Variants in PADI1 observed in about 807,000 individuals in gnomAD.
PADI1 encodes the protein peptidyl arginine deiminase 1, also known as protein-arginine deiminase type-1.
PADI1 carries 65 observed loss-of-function variants against 74.8 expected under a neutral mutation model. The ratio of observed to expected loss-of-function variants is 0.87; its 90% CI spans 0.71 to 1.07. PADI1 has a LOEUF of 1.07. Among genes scored for constraint, PADI1 ranks in the 50% least tolerant of loss-of-function variants. PADI1 has a pLI of 0.00. For synonymous variants in PADI1, 371 were observed against 336.2 expected (o/e 1.10, Z -1.13); for missense variants, 943 against 854.0 (o/e 1.10, Z -1.30).
intron 12 of PADI1, among the ~76,000 whole-genome samples, 186 bp downstream of exon 12, chr1:17,237,644 C>T (rs531378547): frequency 2.0e-5 from 3 of 152,270 alleles, no homozygotes; most frequent in South Asian, 2.1e-4. Context: ...TGTGCTTGGA[C>T]CCAAATCCCT....
intron 1 of PADI1, among the ~76,000 whole-genome samples, chr1:17,219,474 A>G (rs189698494): frequency 1.9e-3 from 294 of 152,172 alleles, no homozygotes; most frequent in Non-Finnish European, 3.5e-3. Flanking sequence ...TGATAATAAC[A>G]TTCTATAGCA....
Position 17,230,631 on chromosome 1 carries a change from C to T in PADI1, c.1113C>T (p.Asp371=), listed in dbSNP as rs149070229. ...ACAAATCCTTCCCCGTGGTCTTTGA[C>T]TCCCCCAGGAACAGGGGCCTGAAAG... is the stretch of plus-strand genomic sequence containing the variant. ...APHKSFPVVF[D]SPRNRGLKDF... is the part of the protein sequence containing the mutation. The change falls in exon 10 of 16, where the codon GAC becomes GAT. Residue 371 remains aspartate (D), a synonymous_variant. Coordinates refer to ENST00000375471, the MANE Select transcript of PADI1 (RefSeq NM_013358.3). 15 of 1,613,068 alleles carry T rather than the reference C, an allele frequency of 9.3e-6. No individual in the cohort carries two copies. Among genetic ancestry groups the T allele is most frequent in the Non-Finnish European group, 1.3e-5 (15 of 1,179,298 alleles).
chr1:17,207,672 G>C (rs1016693686), intron 1 of PADI1, among the ~76,000 whole-genome samples: 1 of 152,224 alleles, frequency 6.6e-6, no homozygotes, highest in Admixed American at 6.5e-5. Flanking sequence ...CTCAAATGCA[G>C]GCCCTGGCCC....
Position 17,223,679 on chromosome 1 carries a change from A to C in PADI1, c.332A>C (p.Tyr111Ser). ...EDQALGRSVLYLTGVDISLEV... is the reference protein window; with the variant it reads ...EDQALGRSVLSLTGVDISLEV... ...CAAGCTCTGGGCCGCAGCGTGCTTT[A>C]CCTCACTGGCGTCGGTAAGTAGCAG... is the stretch of plus-strand genomic sequence containing the variant. The change falls in exon 3 of 16, where the codon TAC (tyrosine) becomes TCC (serine). Residue 111 changes from tyrosine to serine, a missense_variant. Tyr to Ser is a moderately radical substitution (Grantham distance 144). Coordinates refer to ENST00000375471, the MANE Select transcript of PADI1 (RefSeq NM_013358.3). 1 of 1,613,978 alleles carries C rather than the reference A, an allele frequency of 6.2e-7. No homozygotes were observed. Among genetic ancestry groups the C allele is most frequent in the Non-Finnish European group, 8.5e-7 (1 of 1,179,930 alleles).
chr1:17,212,277 G>A (rs1379167524), intron 1 of PADI1, among the ~76,000 whole-genome samples: 1 of 152,218 alleles, frequency 6.6e-6, no homozygotes, highest in Non-Finnish European at 1.5e-5. Context: ...GCTCCTGGCA[G>A]GCCAGATCCT....
At chr1:17,210,368 C>A (rs72895772) in intron 1 of PADI1, among the ~76,000 whole-genome samples, 3 of 151,942 alleles carry the variant, frequency 2.0e-5, no homozygotes, top group Non-Finnish European at 2.9e-5. Flanking sequence ...CCACAGAATG[C>A]GGACATGCTT....
rs1286558068 is a variant in PADI1 at position 17,230,567 on chromosome 1, C to G, written c.1054-5C>G. 6.3e-7 allele frequency: 1 copy of G among 1,596,772 alleles called. No homozygotes were observed. The highest frequency in any genetic ancestry group is 1.3e-5 in the African/African-American group (1 of 74,204). On this transcript the variant is annotated splice_polypyrimidine_tract_variant and splice_region_variant and intron_variant, in intron 9 of 15. Coordinates refer to ENST00000375471, the MANE Select transcript of PADI1 (RefSeq NM_013358.3). ...ACTGTGGCTTTTTCATCTCTCCCCT[C>G]CCAGGACGAGATGGAGTTTGGCTAC...
At chr1:17,209,741 T>G (rs1208168184) in intron 1 of PADI1, among the ~76,000 whole-genome samples, 1 of 152,244 alleles carries the variant, frequency 6.6e-6, no homozygotes, top group Non-Finnish European at 1.5e-5. Context: ...TTGCAGGCTG[T>G]GTGACCTTGG....
In PADI1 at chr1:17,222,396, C is replaced by T. The variant is rs745783100; in HGVS notation, c.199C>T (p.Arg67Cys). The T allele has an allele frequency of 3.7e-5, 59 of 1,614,096 alleles. 1 individual carries two copies. Among genetic ancestry groups the T allele is most frequent in the African/African-American group, 9.3e-5 (7 of 75,046 alleles). The change falls in exon 2 of 16, where the codon CGT becomes TGT. Residue 67 changes from arginine to cysteine, a missense_variant. By Grantham distance (180) the Arg-to-Cys change is radical (BLOSUM62 -3). Coordinates refer to ENST00000375471, the MANE Select transcript of PADI1 (RefSeq NM_013358.3). ...TRVKEPIGKARWPLDTDADMV... is the reference protein window; with the variant it reads ...TRVKEPIGKACWPLDTDADMV... ...TGTGAAAGAGCCCATAGGCAAGGCC[C>T]GTTGGCCGCTAGACACTGATGCAGA...
chr1:17,243,661 A>AACAAG (rs1328290604), intron 15 of PADI1, among the ~76,000 whole-genome samples: 3 of 152,266 alleles, frequency 2.0e-5, no homozygotes, highest in Non-Finnish European at 2.9e-5. Context: ...TTTCTGGCAG[A>AACAAG]TGACACGAAA....
intron 10 of PADI1, 86 bp downstream of exon 10, chr1:17,230,765 T>C (rs369277781): frequency 1.3e-6 from 1 of 748,404 alleles, no homozygotes; most frequent in South Asian, 1.6e-5. Context: ...CCTAGTCCTA[T>C]AGGGCTCAGA....
intron 1 of PADI1, among the ~76,000 whole-genome samples, chr1:17,207,901 AAG>A: frequency 6.6e-6 from 1 of 152,338 alleles, no homozygotes; most frequent in South Asian, 2.1e-4. Context: ...CAGCATAAGG[AAG>A]AGCTTCCTGC....
chr1:17,232,346 TC>T (rs1472149905), intron 10 of PADI1, among the ~76,000 whole-genome samples: 1 of 152,128 alleles, frequency 6.6e-6, no homozygotes, highest in Non-Finnish European at 1.5e-5. Flanking sequence ...GCTCAAGCCA[TC>T]CTCCCACTTC....
rs747659256 is a variant in PADI1, at chr1:17,228,765, G to A, written c.793G>A (p.Val265Ile). ...TFPDADFLGL[V>I]SLSVSLVDPG... ...CCCCGATGCCGATTTCCTAGGGCTG[G>A]TTTCCCTCAGTGTCAGCCTGGTGGA... Residue 265 changes from valine (V) to isoleucine (I), a missense_variant, in exon 7 of 16, where the codon GTT (valine) becomes ATT (isoleucine). Transcript: ENST00000375471. 2.0e-5 allele frequency: 33 copies of A among 1,614,052 alleles called. No individual in the cohort carries two copies. The highest frequency in any genetic ancestry group is 2.7e-5 in the Non-Finnish European group (32 of 1,180,026).
At chr1:17,225,513 T>C (rs1368917171) in intron 4 of PADI1, among the ~76,000 whole-genome samples, 1 of 151,662 alleles carries the variant, frequency 6.6e-6, no homozygotes, top group Non-Finnish European at 1.5e-5. Flanking sequence ...GAGCTAAAGC[T>C]TAGCCAGCTT....
Position 17,226,052 on chromosome 1 carries a change from A to G in PADI1, c.546A>G (p.Pro182=). Residue 182 remains proline (P), a synonymous_variant, in exon 6 of 16, where the codon CCA becomes CCG. Transcript: ENST00000375471. ...MSLADLQDMS[P]MLLSCNGPDK... ...CTCCAGACCTGCAGGACATGTCCCC[A>G]ATGCTGCTGAGCTGCAATGGCCCCG... 6.2e-7 allele frequency: 1 copy of G among 1,614,166 alleles called. No individual in the cohort carries two copies. Among genetic ancestry groups the G allele is most frequent in the Non-Finnish European group, 8.5e-7 (1 of 1,180,034 alleles).
At chr1:17,219,239 G>A (rs1041475614) in intron 1 of PADI1, among the ~76,000 whole-genome samples, 4 of 152,040 alleles carry the variant, frequency 2.6e-5, no homozygotes, top group African/African-American at 4.8e-5. Flanking sequence ...TGGCCGCAGC[G>A]GGGGACTATG....
intron 1 of PADI1, among the ~76,000 whole-genome samples, chr1:17,220,307 TG>T (rs1308403141): frequency 5.9e-5 from 9 of 152,140 alleles, no homozygotes; most frequent in African/African-American, 1.9e-4. Context: ...CCGCAGTCAA[TG>T]GAGACAGTTT....
chr1:17,228,797 G>A lies in PADI1; in HGVS notation c.825G>A (p.Gly275=). 6.2e-7 allele frequency: 1 copy of A among 1,613,880 alleles called. No homozygotes were observed. Among genetic ancestry groups the A allele is most frequent in the East Asian group, 2.2e-5 (1 of 44,880 alleles). Residue 275 remains glycine (G), a splice_region_variant and synonymous_variant, in exon 7 of 16, where the codon GGG becomes GGA. Coordinates refer to ENST00000375471, the MANE Select transcript of PADI1 (RefSeq NM_013358.3). ...TCAGTGTCAGCCTGGTGGACCCGGGGGTGTGTACAGCACTGGGGGGTGGCC... is the reference window on the plus strand; with the variant it reads ...TCAGTGTCAGCCTGGTGGACCCGGGAGTGTGTACAGCACTGGGGGGTGGCC... ...VSLSVSLVDP[G]TLPEVTLFTD...
Sources: gnomAD v4.1 joint callset for allele counts (sites outside exome capture counted in the v4.1 genomes callset) on GRCh38, gnomAD v4.1.1 for gene constraint, MANE v1.5 for transcripts, NCBI Gene and HGNC (gene_info 2026-07-23, HGNC 2026-07-21) for gene names.